The following TBC1D5 variants were observed in gnomAD, a reference collection of about 807,000 sequenced individuals.
TBC1D5 encodes the protein TBC1 domain family member 5.
A neutral mutation model predicts 100.3 loss-of-function variants in TBC1D5; 75 were observed. The ratio of observed to expected loss-of-function variants is 0.75; its 90% CI spans 0.62 to 0.91. TBC1D5 has a LOEUF of 0.91. Ranked by LOEUF, TBC1D5 falls within the 40% of genes least tolerant of loss-of-function variation. The probability of loss-of-function intolerance (pLI) is 0.00; values close to 1 mark genes in which losing one functional copy is unlikely to be tolerated. For missense variants in TBC1D5, 910 were observed against 942.4 expected (o/e 0.97, Z 0.45); for synonymous variants, 323 against 325.6 (o/e 0.99, Z 0.09).
chr3:17,302,824 G>A (rs151085266), intron 14 of TBC1D5, among the ~76,000 whole-genome samples: 4 of 152,270 alleles, frequency 2.6e-5, no homozygotes, highest in Non-Finnish European at 5.9e-5. Context: ...GTAATGCTCA[G>A]AGCCTGGTAC....
intron 19 of TBC1D5, among the ~76,000 whole-genome samples, chr3:17,179,033 G>A (rs778600954): frequency 6.6e-6 from 1 of 151,430 alleles, no homozygotes; most frequent in South Asian, 2.1e-4. Context: ...CTGCACCCTC[G>A]AACTCCTGGC....
At chr3:17,483,707 A>C (rs1053560238) in intron 3 of TBC1D5, among the ~76,000 whole-genome samples, 2 of 152,128 alleles carry the variant, frequency 1.3e-5, no homozygotes, top group African/African-American at 4.8e-5. Context: ...GAAATGTGTT[A>C]GATATTTACT....
intron 18 of TBC1D5, among the ~76,000 whole-genome samples, chr3:17,208,057 T>C (rs1374972128): frequency 6.6e-6 from 1 of 152,234 alleles, no homozygotes; most frequent in Non-Finnish European, 1.5e-5. Context: ...TTTTTGAGGA[T>C]ATGGAATATC....
At chr3:17,612,493 G>A (rs1236924126) in intron 2 of TBC1D5, among the ~76,000 whole-genome samples, 2 of 151,882 alleles carry the variant, frequency 1.3e-5, no homozygotes, top group Admixed American at 6.6e-5. Flanking sequence ...AGTCGGGCAT[G>A]GTGGCATGCG....
chr3:17,397,143 T>C (rs1359214129), intron 8 of TBC1D5, among the ~76,000 whole-genome samples: 1 of 152,082 alleles, frequency 6.6e-6, no homozygotes, highest in East Asian at 1.9e-4. Flanking sequence ...TAAAAAAGAA[T>C]TTAAAGAATT....
At chr3:17,445,802 C>G (rs969867476) in intron 3 of TBC1D5, among the ~76,000 whole-genome samples, 8 of 152,182 alleles carry the variant, frequency 5.3e-5, no homozygotes, top group African/African-American at 1.7e-4. Flanking sequence ...TCAGTACTAT[C>G]TGTGATTTCA....
intron 19 of TBC1D5, chr3:17,184,850 G>T: frequency 4.5e-6 from 1 of 223,290 alleles, no homozygotes; most frequent in Non-Finnish European, 9.0e-6. Context: ...GCTTATAATC[G>T]GATTGCTTGA....
At chr3:17,423,458 T>C (rs2094264452) in intron 4 of TBC1D5, among the ~76,000 whole-genome samples, 1 of 152,128 alleles carries the variant, frequency 6.6e-6, no homozygotes, top group South Asian at 2.1e-4. Context: ...TTCAAGTAAC[T>C]TTTGTTTTTT....
rs1265907317 is a variant in TBC1D5, at chr3:17,596,684, A to G, written c.-36+27165T>C. Among the ~76,000 whole-genome samples the G allele has an allele frequency of 1.9e-4, 27 of 144,212 alleles. 1 individual carries two copies. The highest frequency in any genetic ancestry group is 1.7e-3 in the Admixed American group (24 of 14,374). The allele number at this position is 144,212 out of a possible 152,430, so 94.6% of individuals were successfully genotyped here. A position where few individuals can be genotyped will look rare whatever the true frequency, so the allele number is the denominator to read the frequency against. On this transcript the variant is annotated intron_variant, in intron 2 of 21. Coordinates refer to ENST00000253692, the Ensembl canonical transcript of TBC1D5. ...GATTTGCCCTCCAGACCAGGCAACA[A>G]TGAGAGACTCCATCTCAAAAAAAAA...
intron 4 of TBC1D5, among the ~76,000 whole-genome samples, chr3:17,427,803 T>G (rs2094367632): frequency 6.6e-6 from 1 of 151,954 alleles, no homozygotes; most frequent in Non-Finnish European, 1.5e-5. Context: ...CTGAAAATAC[T>G]TTAATCTTTC....
At chr3:17,450,646 T>A (rs1257155686) in intron 3 of TBC1D5, among the ~76,000 whole-genome samples, 1 of 151,790 alleles carries the variant, frequency 6.6e-6, no homozygotes, top group East Asian at 1.9e-4. Context: ...AGATTGAAGA[T>A]CAACTTAATG....
chr3:17,621,347 GC>G (rs2153650068), intron 2 of TBC1D5, among the ~76,000 whole-genome samples: 1 of 152,258 alleles, frequency 6.6e-6, no homozygotes, highest in South Asian at 2.1e-4. Context: ...ACACACTAGT[GC>G]CAAGATCTTG....
chr3:17,565,923 G>T lies in TBC1D5; in HGVS notation c.-35-57318C>A, dbSNP rs147210499. Among the ~76,000 whole-genome samples, 116 of 151,888 alleles carry T rather than the reference G, an allele frequency of 7.6e-4. 2 individuals are homozygous for T. The East Asian group carries it at 0.022, about 28-fold the overall frequency. On this transcript the variant is annotated intron_variant, in intron 2 of 21. Transcript: ENST00000253692. ...CTTTAATTACTATAACTATACTGCC[G>T]TATCCTTCCTATATTATAACATTAT... is the stretch of plus-strand genomic sequence containing the variant.
intron 9 of TBC1D5, among the ~76,000 whole-genome samples, chr3:17,380,329 T>G (rs896860876): frequency 6.6e-6 from 1 of 152,046 alleles, no homozygotes; most frequent in Middle Eastern, 3.2e-3. Flanking sequence ...AGTTTTGACT[T>G]TCATCTAAAC....
intron 13 of TBC1D5, among the ~76,000 whole-genome samples, chr3:17,337,103 G>T (rs1266014891): frequency 1.4e-5 from 2 of 144,210 alleles, no homozygotes; most frequent in African/African-American, 5.2e-5. Context: ...AACATAGCTT[G>T]CACCAAAATT....
At chr3:17,344,099 A>G (rs1344917328) in intron 13 of TBC1D5, among the ~76,000 whole-genome samples, 1 of 152,092 alleles carries the variant, frequency 6.6e-6, no homozygotes, top group African/African-American at 2.4e-5. Context: ...TCTTGTGGGC[A>G]TTTAGTGCTA....
intron 9 of TBC1D5, among the ~76,000 whole-genome samples, chr3:17,379,456 G>A (rs1416999315): frequency 6.6e-6 from 1 of 151,922 alleles, no homozygotes; most frequent in South Asian, 2.1e-4. Context: ...TCTAGTTTCT[G>A]TTACACCACT....
intron 1 of TBC1D5, among the ~76,000 whole-genome samples, chr3:17,654,451 C>T (rs535993674): frequency 1.3e-4 from 20 of 152,196 alleles, no homozygotes; most frequent in African/African-American, 4.8e-4. Context: ...CTGTATACAC[C>T]AATCATTTTA....
chr3:17,209,568 G>A (rs188934525), intron 18 of TBC1D5, among the ~76,000 whole-genome samples: 26 of 152,184 alleles, frequency 1.7e-4, no homozygotes, highest in Admixed American at 1.5e-3. Flanking sequence ...TAGTTCCCAC[G>A]CTCCATCTTC....
Sources: allele counts gnomAD v4.1 joint callset (sites outside exome capture counted in the v4.1 genomes callset), GRCh38; gene constraint gnomAD v4.1.1; transcripts MANE v1.5; gene names NCBI Gene and HGNC (gene_info 2026-07-23, HGNC 2026-07-21).